Variants in TRIQK observed in about 807,000 individuals in gnomAD.
TRIQK encodes triple QxxK/R motif-containing protein.
TRIQK carries 10 observed loss-of-function variants against 10.8 expected under a neutral mutation model. The observed-to-expected ratio is 0.92, with a 90% CI of 0.57 to 1.57. TRIQK has a LOEUF of 1.57. TRIQK is among the 40% of genes most tolerant of loss of function. The pLI is 0.00. For synonymous variants in TRIQK, 33 were observed against 33.7 expected (o/e 0.98, Z 0.07); for missense variants, 107 against 97.7 (o/e 1.09, Z -0.40).
intron 1 of TRIQK, among the ~76,000 whole-genome samples, chr8:93,007,943 T>C (rs1300865900): frequency 6.6e-6 from 1 of 152,130 alleles, no homozygotes; most frequent in Non-Finnish European, 1.5e-5. Flanking sequence ...ATATACACCA[T>C]GGAATACCAT....
chr8:93,001,112 C>G (rs1222193324), intron 1 of TRIQK, among the ~76,000 whole-genome samples: 2 of 151,970 alleles, frequency 1.3e-5, no homozygotes, highest in Non-Finnish European at 2.9e-5. Flanking sequence ...TCAAGACCAT[C>G]CTGGCTAACA....
At chr8:92,999,413 T>C (rs927435761) in intron 1 of TRIQK, among the ~76,000 whole-genome samples, 1 of 152,190 alleles carries the variant, frequency 6.6e-6, no homozygotes, top group Non-Finnish European at 1.5e-5. Flanking sequence ...TGAACATATA[T>C]ACTAATTACT....
At chr8:93,001,430 G>A (rs869069638) in intron 1 of TRIQK, among the ~76,000 whole-genome samples, 3 of 151,904 alleles carry the variant, frequency 2.0e-5, no homozygotes, top group African/African-American at 7.3e-5. Context: ...TGAAAATGAA[G>A]CTGTTGAAAA....
At chr8:92,935,293 T>C (rs1810930101) in intron 2 of TRIQK, among the ~76,000 whole-genome samples, 1 of 151,806 alleles carries the variant, frequency 6.6e-6, no homozygotes, top group African/African-American at 2.4e-5. Flanking sequence ...TTGATCAATG[T>C]TGTGAACTAC....
intron 1 of TRIQK, among the ~76,000 whole-genome samples, chr8:92,961,156 G>A (rs937957232): frequency 2.6e-5 from 4 of 152,066 alleles, no homozygotes; most frequent in African/African-American, 9.7e-5. Context: ...GATTTTGTAG[G>A]ATGTCTTGTT....
chr8:92,916,974 C>T lies in TRIQK; in HGVS notation c.16G>A (p.Ala6Thr). The T allele has an allele frequency of 6.6e-7, 1 of 1,510,368 alleles. No homozygotes were observed. Among genetic ancestry groups the T allele is most frequent in the Non-Finnish European group, 8.8e-7 (1 of 1,135,224 alleles). 93.6% of individuals were successfully genotyped at this position (1,510,368 alleles called of 1,614,324 possible). MGRKD[A>T]ATIKLPVDQY... ...TCAACAGGAAGTTTTATAGTAGCAG[C>T]ATCTTTTCTACCCATCTTTGATCTC... Residue 6 changes from alanine to threonine, a missense_variant, in exon 3 of 5, where the codon GCT (alanine) becomes ACT (threonine). Coordinates refer to ENST00000521988, the MANE Select transcript of TRIQK (RefSeq NM_001171797.2).
chr8:92,979,250 G>A (rs1262110083), intron 1 of TRIQK, among the ~76,000 whole-genome samples: 1 of 152,108 alleles, frequency 6.6e-6, no homozygotes, highest in Non-Finnish European at 1.5e-5. Flanking sequence ...ACCTCTCAGA[G>A]TGTATTGGAA....
At chr8:92,981,759 G>T (rs1442216525) in intron 1 of TRIQK, among the ~76,000 whole-genome samples, 1 of 151,466 alleles carries the variant, frequency 6.6e-6, no homozygotes, top group Non-Finnish European at 1.5e-5. Context: ...ATTTTGTTTT[G>T]AATAAGCTTT....
At chr8:92,978,808 A>G (rs762956425) in intron 1 of TRIQK, among the ~76,000 whole-genome samples, 1 of 152,080 alleles carries the variant, frequency 6.6e-6, no homozygotes, top group Non-Finnish European at 1.5e-5. Flanking sequence ...TTCTTACTAT[A>G]TTTTCCAACT....
At chr8:92,950,497 C>T (rs1015741697) in intron 2 of TRIQK, among the ~76,000 whole-genome samples, 5 of 152,212 alleles carry the variant, frequency 3.3e-5, no homozygotes, top group Middle Eastern at 3.4e-3. Flanking sequence ...AACACTTCCA[C>T]AATTCTTTAT....
At chr8:93,003,590 A>G (rs1813237731) in intron 1 of TRIQK, among the ~76,000 whole-genome samples, 1 of 152,108 alleles carries the variant, frequency 6.6e-6, no homozygotes, top group Non-Finnish European at 1.5e-5. Flanking sequence ...CAACACAATC[A>G]GGCCTTTCCA....
intron 1 of TRIQK, among the ~76,000 whole-genome samples, chr8:92,996,118 C>CTTTCTTAATTAA (rs1813151821): frequency 1.3e-5 from 2 of 151,976 alleles, no homozygotes; most frequent in African/African-American, 4.8e-5. Context: ...ATGATTTTTA[C>CTTTCTTAATTAA]TTTCTTAATT....
chr8:92,968,086 C>A (rs1251017628), upstream of TRIQK, among the ~76,000 whole-genome samples: 1 of 152,002 alleles, frequency 6.6e-6, no homozygotes, highest in Non-Finnish European at 1.5e-5. Flanking sequence ...ATGCTTATTT[C>A]TTTACCATAT....
rs547246864 is a variant in TRIQK, at chr8:92,919,900, T to C, written c.-21-2890A>G. ...TGCCCAGGAATGTATTCTTTTCTTC[T>C]AGATTTTGCAATTTGTTGGTATATA... On this transcript the variant is annotated intron_variant, in intron 2 of 4. Transcript: ENST00000521988. Among the ~76,000 whole-genome samples, 11 of 151,988 alleles carry C rather than the reference T, an allele frequency of 7.2e-5. No homozygotes were observed. The East Asian group carries it at 2.1e-3, about 29-fold the overall frequency.
rs1351731020 is a variant in TRIQK at position 92,988,955 on chromosome 8, G to T, written c.-181+28654C>A. On this transcript the variant is annotated intron_variant, in intron 1 of 4. Coordinates refer to the TRIQK transcript ENST00000520686. ...GTGTTTTATTTATTTTTGACAGCAG[G>T]TATGCAAAAACTATTCTAAATTTTA... 2.0e-5 allele frequency among the ~76,000 whole-genome samples: 3 copies of T among 151,932 alleles called. No individual in the cohort carries two copies. The East Asian group carries it at 5.8e-4, about 29-fold the overall frequency.
At chr8:92,965,349 T>C (rs930928190) in intron 1 of TRIQK, 1 of 152,200 alleles carries the variant, frequency 6.6e-6, no homozygotes, top group Non-Finnish European at 1.5e-5. Context: ...GATTCAGGAA[T>C]ACACCAAGCT....
At chr8:93,000,000 A>G (rs900181302) in intron 1 of TRIQK, among the ~76,000 whole-genome samples, 2 of 152,140 alleles carry the variant, frequency 1.3e-5, no homozygotes, top group Non-Finnish European at 2.9e-5. Context: ...TCTGAGCTCT[A>G]CATATACTTT....
At chr8:93,012,760 T>A (rs745556905) in intron 1 of TRIQK, among the ~76,000 whole-genome samples, 2 of 152,182 alleles carry the variant, frequency 1.3e-5, no homozygotes, top group Non-Finnish European at 2.9e-5. Flanking sequence ...ACCCTCTGAA[T>A]AAAAGGGTAA....
intron 1 of TRIQK, among the ~76,000 whole-genome samples, chr8:92,972,057 T>C (rs1812882088): frequency 6.6e-6 from 1 of 152,182 alleles, no homozygotes; most frequent in South Asian, 2.1e-4. Flanking sequence ...TGGTGAAGAA[T>C]ATTTGCCTGA....
Sources: gnomAD v4.1 joint callset for allele counts (sites outside exome capture counted in the v4.1 genomes callset) on GRCh38, gnomAD v4.1.1 for gene constraint, MANE v1.5 for transcripts, NCBI Gene and HGNC (gene_info 2026-07-23, HGNC 2026-07-21) for gene names.